LYPD6B: variants seen among roughly 807,000 people sequenced by gnomAD.
LYPD6B encodes the protein ly6/PLAUR domain-containing protein 6B.
Under a neutral mutation model 22.8 loss-of-function variants are expected in LYPD6B, and 17 were observed. The ratio of observed to expected loss-of-function variants is 0.75; its 90% CI spans 0.51 to 1.12. LYPD6B has a LOEUF of 1.12. Ranked by LOEUF, LYPD6B falls within the 50% of genes most tolerant of loss-of-function variation. The pLI, the probability that LYPD6B is intolerant of heterozygous loss-of-function variation, is 0.00. For synonymous variants in LYPD6B, 106 were observed against 91.6 expected (o/e 1.16, Z -0.90); for missense variants, 221 against 258.3 (o/e 0.86, Z 0.99).
At chr2:149,109,715 A>G (rs762554309) in intron 1 of LYPD6B, among the ~76,000 whole-genome samples, 13 of 151,512 alleles carry the variant, frequency 8.6e-5, no homozygotes, top group Non-Finnish European at 1.9e-4. Flanking sequence ...TTATGTATTT[A>G]TTATTTATTT....
intron 2 of LYPD6B, among the ~76,000 whole-genome samples, chr2:149,137,077 G>A (rs1254016117): frequency 6.6e-6 from 1 of 152,238 alleles, no homozygotes; most frequent in Non-Finnish European, 1.5e-5. Context: ...AGTCTAAGGA[G>A]AGTGAAGGCA....
At chr2:149,205,812 T>C (rs1052120879) in intron 4 of LYPD6B, among the ~76,000 whole-genome samples, 14 of 152,188 alleles carry the variant, frequency 9.2e-5, no homozygotes, top group African/African-American at 3.4e-4. Flanking sequence ...TGTTTGAAAT[T>C]TGGAGGGAAA....
intron 2 of LYPD6B, among the ~76,000 whole-genome samples, chr2:149,156,398 C>A (rs1039271899): frequency 1.3e-5 from 2 of 152,132 alleles, no homozygotes; most frequent in Non-Finnish European, 2.9e-5. Context: ...TCCTGGCAAT[C>A]CTGGAGGGGA....
At chr2:149,113,200 A>AG (rs1686843193) in intron 1 of LYPD6B, among the ~76,000 whole-genome samples, 3 of 47,438 alleles carry the variant, frequency 6.3e-5, no homozygotes, top group Admixed American at 2.6e-4. Context: ...GTTGGCTTGT[A>AG]AAGTCTTAGT....
chr2:149,210,406 A>G (rs748085932), intron 5 of LYPD6B, among the ~76,000 whole-genome samples: 4 of 152,168 alleles, frequency 2.6e-5, no homozygotes, highest in Non-Finnish European at 5.9e-5. Flanking sequence ...GCATTCCAGC[A>G]TGGCATGATA....
chr2:149,085,681 G>A (rs571858951), intron 1 of LYPD6B, among the ~76,000 whole-genome samples: 14 of 152,330 alleles, frequency 9.2e-5, no homozygotes, highest in African/African-American at 3.4e-4. Context: ...CATTCTTTGA[G>A]CCAGTTATAA....
At chr2:149,058,773 C>G (rs946846157) in intron 1 of LYPD6B, among the ~76,000 whole-genome samples, 1 of 152,182 alleles carries the variant, frequency 6.6e-6, no homozygotes, top group African/African-American at 2.4e-5. Flanking sequence ...GCGTCTGCCA[C>G]GACGCCCAGC....
At chr2:149,090,320 A>G (rs946799886) in intron 1 of LYPD6B, among the ~76,000 whole-genome samples, 2 of 152,210 alleles carry the variant, frequency 1.3e-5, no homozygotes, top group Non-Finnish European at 2.9e-5. Context: ...TGATTTTCCA[A>G]GAATGGTTCC....
chr2:149,067,901 G>C (rs1000074463), intron 1 of LYPD6B, among the ~76,000 whole-genome samples: 1 of 152,168 alleles, frequency 6.6e-6, no homozygotes, highest in African/African-American at 2.4e-5. Context: ...GGGTAGAAAA[G>C]CTTTTGCTTT....
chr2:149,202,904 C>A (rs1273618604), intron 3 of LYPD6B, among the ~76,000 whole-genome samples: 4 of 152,178 alleles, frequency 2.6e-5, no homozygotes, highest in Non-Finnish European at 5.9e-5. Flanking sequence ...ATTCCTACAA[C>A]CCTATGAAAT....
intron 1 of LYPD6B, among the ~76,000 whole-genome samples, chr2:149,127,465 G>A (rs2105665983): frequency 6.6e-6 from 1 of 152,260 alleles, no homozygotes; most frequent in Admixed American, 6.5e-5. Flanking sequence ...CCCCACCATG[G>A]GAGGGTCCCA....
intron 1 of LYPD6B, among the ~76,000 whole-genome samples, chr2:149,104,106 A>G (rs1686350734): frequency 6.6e-6 from 1 of 152,048 alleles, no homozygotes; most frequent in Non-Finnish European, 1.5e-5. Context: ...ACTGCTGAAT[A>G]ACTATCCATT....
chr2:149,209,872 G>A (rs1449925553), intron 5 of LYPD6B, among the ~76,000 whole-genome samples: 3 of 152,174 alleles, frequency 2.0e-5, no homozygotes, highest in Non-Finnish European at 4.4e-5. Flanking sequence ...ATGAGTGTAT[G>A]TGCATGCATG....
intron 2 of LYPD6B, chr2:149,141,894 C>A (rs1688716855): frequency 1.3e-5 from 2 of 152,308 alleles, no homozygotes; most frequent in South Asian, 4.1e-4. Flanking sequence ...TGCTTGCAGT[C>A]TTTGGTGTTC....
At chr2:149,137,859 T>TTA (rs1397108190) in intron 2 of LYPD6B, among the ~76,000 whole-genome samples, 1 of 152,214 alleles carries the variant, frequency 6.6e-6, no homozygotes, top group African/African-American at 2.4e-5. Context: ...ATTTTAAATT[T>TTA]TAATACAATC....
intron 2 of LYPD6B, among the ~76,000 whole-genome samples, chr2:149,136,436 T>C (rs1225948857): frequency 6.6e-6 from 1 of 152,240 alleles, no homozygotes; most frequent in Non-Finnish European, 1.5e-5. Context: ...GAGTCTTCAT[T>C]AGCTTCTTAG....
intron 1 of LYPD6B, among the ~76,000 whole-genome samples, chr2:149,125,094 C>T (rs535877007): frequency 6.6e-6 from 1 of 152,200 alleles, no homozygotes; most frequent in East Asian, 1.9e-4. Flanking sequence ...TTGGGTTCTC[C>T]CAGTCAAACA....
At chr2:149,197,825 G>T (rs754983340) in intron 3 of LYPD6B, among the ~76,000 whole-genome samples, 69 of 152,226 alleles carry the variant, frequency 4.5e-4, no homozygotes, top group Non-Finnish European at 9.0e-4. Flanking sequence ...GAGCTTTAAT[G>T]CATACATGAC....
chr2:149,142,084 T>A (rs1688729549), intron 2 of LYPD6B: 1 of 152,218 alleles, frequency 6.6e-6, no homozygotes, highest in African/African-American at 2.4e-5. Context: ...ACCCTGCCCA[T>A]GCTGCATATT....
Sources: allele counts gnomAD v4.1 joint callset (sites outside exome capture counted in the v4.1 genomes callset), GRCh38; gene constraint gnomAD v4.1.1; transcripts MANE v1.5; gene names NCBI Gene and HGNC (gene_info 2026-07-23, HGNC 2026-07-21).